Variants in MAPK8IP3 observed in about 807,000 individuals in gnomAD.
The protein encoded by MAPK8IP3 is mitogen-activated protein kinase 8 interacting protein 3.
MAPK8IP3 carries 49 observed loss-of-function variants against 157.8 expected under a neutral mutation model. The observed-to-expected ratio is 0.31, with a 90% CI of 0.25 to 0.39. The LOEUF (loss-of-function observed/expected upper bound fraction) is 0.39. Among genes scored for constraint, MAPK8IP3 ranks in the 10% least tolerant of loss-of-function variants. The pLI is 1.00. For missense variants in MAPK8IP3, 1,478 were observed against 1,889.4 expected, an observed-to-expected ratio of 0.78 and a Z score of 4.04; for synonymous variants, 897 against 777.7, an observed-to-expected ratio of 1.15 and a Z score of -2.55.
chr16:1,751,401 G>C lies in MAPK8IP3; in HGVS notation c.1216+2681G>C, dbSNP rs1443681088. On this transcript the variant is annotated intron_variant, in intron 8 of 31. Transcript: ENST00000610761. This position sits in a 1 kb window ranked among gnomAD's most constrained non-coding sequence, Gnocchi z 5.0. ...TTGAACCCAGGAAGCGGAGATTGCA[G>C]TGAGCTGAGATCGCACCATTGCACT... Among the ~76,000 whole-genome samples the C allele has an allele frequency of 2.6e-5, 4 of 152,134 alleles. No homozygotes were observed. The highest frequency in any genetic ancestry group is 4.4e-5 in the Non-Finnish European group (3 of 68,032).
intron 1 of MAPK8IP3, among the ~76,000 whole-genome samples, chr16:1,716,361 G>A (rs1012354211): frequency 3.4e-5 from 5 of 147,344 alleles, no homozygotes; most frequent in African/African-American, 1.0e-4. Flanking sequence ...GCAGTGGCGC[G>A]ATCTCGGCTC....
intron 8 of MAPK8IP3, among the ~76,000 whole-genome samples, chr16:1,756,629 C>T (rs1054409629): frequency 6.8e-5 from 6 of 88,222 alleles, no homozygotes; most frequent in South Asian, 3.2e-4. Context: ...CTAAAACACA[C>T]ACACACACAC....
At chr16:1,755,124 G>C (rs1385656622) in intron 8 of MAPK8IP3, among the ~76,000 whole-genome samples, 1 of 152,220 alleles carries the variant, frequency 6.6e-6, no homozygotes, top group Non-Finnish European at 1.5e-5. Flanking sequence ...AGTTGAGGCA[G>C]GCAGCAACAA....
intron 5 of MAPK8IP3, chr16:1,746,540 A>C: frequency 6.1e-6 from 1 of 162,602 alleles, no homozygotes; most frequent in South Asian, 1.7e-4. Flanking sequence ...CCCGGGGAGG[A>C]ACGTGGGGCA....
intron 1 of MAPK8IP3, among the ~76,000 whole-genome samples, chr16:1,720,557 TAC>T (rs983134480): frequency 6.6e-6 from 1 of 152,170 alleles, no homozygotes; most frequent in Non-Finnish European, 1.5e-5. Flanking sequence ...ACATCTGCTC[TAC>T]ACACACACAT....
intron 8 of MAPK8IP3, among the ~76,000 whole-genome samples, chr16:1,752,963 T>A (rs1218754205): frequency 6.6e-6 from 1 of 152,112 alleles, no homozygotes; most frequent in East Asian, 1.9e-4. Flanking sequence ...GGGCATGAAC[T>A]CCTGAAGACA....
At chr16:1,729,757 GT>G (rs2039168167) in intron 4 of MAPK8IP3, among the ~76,000 whole-genome samples, 179 bp downstream of exon 4, 1 of 152,182 alleles carries the variant, frequency 6.6e-6, no homozygotes, top group East Asian at 1.9e-4. Flanking sequence ...GAGCAGGGAT[GT>G]GGGGGGGCGG....
At chr16:1,731,876 T>C (rs777606534) in intron 4 of MAPK8IP3, among the ~76,000 whole-genome samples, 14 of 152,166 alleles carry the variant, frequency 9.2e-5, no homozygotes, top group Non-Finnish European at 1.9e-4. Flanking sequence ...AAATACTGTG[T>C]GGATGAGCCC....
At chr16:1,738,590 ATGTGAGCATCTGTGTGACCGTCCG>A (rs2040282481) in intron 4 of MAPK8IP3, among the ~76,000 whole-genome samples, 1 of 122,950 alleles carries the variant, frequency 8.1e-6, no homozygotes, top group African/African-American at 3.2e-5. Context: ...GTGACCATCC[ATGTGAGCATCTGTGTGACCGTCCG>A]TGTGAGCATC....
intron 4 of MAPK8IP3, among the ~76,000 whole-genome samples, chr16:1,732,527 AGCC>A (rs2039382489): frequency 6.6e-6 from 1 of 152,250 alleles, no homozygotes; most frequent in Non-Finnish European, 1.5e-5. Flanking sequence ...CGTGCCGTGG[AGCC>A]TGCAGCAGCA....
rs1008998772 is a variant in MAPK8IP3 at position 1,710,279 on chromosome 16, C to T, written c.318+3622C>T. Among the ~76,000 whole-genome samples, 3 of 151,184 alleles carry T rather than the reference C, an allele frequency of 2.0e-5. No homozygotes were observed. Among genetic ancestry groups the T allele is most frequent in the African/African-American group, 7.3e-5 (3 of 41,018 alleles). ...GGAGTTTGAGACCAGCCTGGCGAAC[C>T]TGGCGAAACCCTGTCTCTACTAAAG... On this transcript the variant is annotated intron_variant, in intron 1 of 31. Transcript: ENST00000610761. This position sits in a 1 kb window ranked among gnomAD's most constrained non-coding sequence, Gnocchi z 4.1.
At position 1,766,564 on chromosome 16, in the gene MAPK8IP3, G is replaced by GGCCAGA. The variant is rs772555166; in HGVS notation, c.2865_2870dup (p.Glu956_Pro957dup). The GGCCAGA allele has an allele frequency of 6.2e-7, 1 of 1,612,278 alleles. No individual in the cohort carries two copies. The highest frequency in any genetic ancestry group is 1.1e-5 in the South Asian group (1 of 91,068). On this transcript the variant is annotated inframe_insertion, in exon 23 of 32. Coordinates refer to ENST00000610761, the MANE Select transcript of MAPK8IP3 (RefSeq NM_001318852.2). ...CCAGAGCCTGACAGCAGCAGCACACGGCCAGAGCCAGAGCCCAGCGGGGAC... is the reference window on the plus strand; with the variant it reads ...CCAGAGCCTGACAGCAGCAGCACACGGCCAGAGCCAGAGCCAGAGCCCAGCGGGGAC...
intron 1 of MAPK8IP3, among the ~76,000 whole-genome samples, chr16:1,721,090 C>T (rs2038487702): frequency 6.6e-6 from 1 of 151,562 alleles, no homozygotes; most frequent in South Asian, 2.1e-4. Flanking sequence ...GTAATCCCAG[C>T]ACTTGGGAAG....
chr16:1,712,262 C>T (rs1302225710), intron 1 of MAPK8IP3, among the ~76,000 whole-genome samples: 1 of 151,788 alleles, frequency 6.6e-6, no homozygotes, highest in Non-Finnish European at 1.5e-5. Context: ...GGGGTTTCAC[C>T]GTGTTAGCCA....
In MAPK8IP3 at chr16:1,743,545, G is replaced by T; in HGVS notation, c.747+69G>T. On this transcript the variant is annotated intron_variant, in intron 5 of 31. Transcript: ENST00000610761. The surrounding 1 kb of genome is among the most constrained non-coding windows in gnomAD (Gnocchi z 5.6). ...TGGTGTTCCCCGTTCACTGGGGCGG[G>T]AGCCTCGTCTGCAGGCAGCCCTTCA... The T allele has an allele frequency of 6.4e-7, 1 of 1,557,744 alleles. No homozygotes were observed.
At position 1,767,150 on chromosome 16, in the gene MAPK8IP3, T is replaced by C; in HGVS notation, c.3090T>C (p.Asp1030=). The C allele has an allele frequency of 1.2e-6, 2 of 1,613,014 alleles. No homozygotes were observed. The highest frequency in any genetic ancestry group is 2.2e-5 in the South Asian group (2 of 91,088). The change falls in exon 26 of 32, where the codon GAT becomes GAC. Residue 1030 remains aspartate, a splice_region_variant and synonymous_variant. Coordinates refer to ENST00000610761, the MANE Select transcript of MAPK8IP3 (RefSeq NM_001318852.2). ...GTLAIFHRGE[D]GQWDLSNYHL... ...GCAGGTGTCCGGGGCTCCCTCCAGA[T>C]GGCCAGTGGGATCTGAGCAACTATC... is the stretch of plus-strand genomic sequence containing the variant.
intron 4 of MAPK8IP3, among the ~76,000 whole-genome samples, chr16:1,729,976 A>G (rs1015717487): frequency 6.9e-6 from 1 of 143,924 alleles, no homozygotes; most frequent in African/African-American, 2.6e-5. Flanking sequence ...TGGGAGGCCA[A>G]GGCAGGAGGA....
intron 26 of MAPK8IP3, 65 bp from the exon 27 acceptor site, chr16:1,767,499 G>C: frequency 1.3e-6 from 2 of 1,571,148 alleles, no homozygotes. Context: ...AGCTGTGGCA[G>C]GTTTGGGGCT....
chr16:1,733,679 TG>T (rs1485299728), intron 4 of MAPK8IP3, among the ~76,000 whole-genome samples: 5 of 152,196 alleles, frequency 3.3e-5, no homozygotes, highest in African/African-American at 1.2e-4. Flanking sequence ...GGAAGCCCCA[TG>T]GTGGTGCACC....
Sources: gnomAD v4.1 joint callset for allele counts (sites outside exome capture counted in the v4.1 genomes callset) on GRCh38, gnomAD v4.1.1 for gene constraint, Gnocchi (gnomAD v3.1) non-coding constraint, MANE v1.5 for transcripts, NCBI Gene and HGNC (gene_info 2026-07-23, HGNC 2026-07-21) for gene names.